SYT16: variants seen among roughly 807,000 people sequenced by gnomAD.
SYT16 encodes the protein synaptotagmin-16.
In SYT16, 42 loss-of-function variants were observed where a neutral mutation model predicts 61.4. That is an observed-to-expected ratio of 0.68 (90% CI 0.53 to 0.89). The LOEUF is 0.89. Ranked by LOEUF, SYT16 falls within the 40% of genes least tolerant of loss-of-function variation. SYT16 has a pLI of 0.00. For synonymous variants in SYT16, 314 were observed against 302.3 expected (o/e 1.04, Z -0.40); for missense variants, 804 against 807.3 (o/e 1.00, Z 0.05).
chr14:61,899,319 C>T (rs2140354208), intron 1 of SYT16, among the ~76,000 whole-genome samples: 1 of 152,258 alleles, frequency 6.6e-6, no homozygotes, highest in South Asian at 2.1e-4. Context: ...CTAGGAGAGG[C>T]TGCTGAAATC....
chr14:62,001,686 A>G (rs142701821), intron 3 of SYT16, among the ~76,000 whole-genome samples: 16 of 152,110 alleles, frequency 1.1e-4, no homozygotes, highest in African/African-American at 3.6e-4. Context: ...ATTCTACCCC[A>G]TTCTCTCTTG....
rs573107089 is a variant in SYT16 at position 61,969,698 on chromosome 14, T to G, written c.-324-434T>G. ...TTGGTAGAATTATTTATCTGAAAAT[T>G]TGTCTCAAGTGATGATTGTGTAAGC... On this transcript the variant is annotated intron_variant, in intron 1 of 7. Coordinates refer to ENST00000683842, the MANE Select transcript of SYT16 (RefSeq NM_001367656.1). Among the ~76,000 whole-genome samples, 7 of 152,340 alleles carry G rather than the reference T, an allele frequency of 4.6e-5. No homozygotes were observed. The South Asian group carries it at 1.4e-3, about 32-fold the overall frequency.
In SYT16 at chr14:61,827,896, T is replaced by C. The variant is rs959758496; in HGVS notation, c.-325+15086T>C. ...TATTCATATTCTCTGATGGGCCAAA[T>C]TGTATACACCCCAAATTCATATGTT... is the stretch of plus-strand genomic sequence containing the variant. On this transcript the variant is annotated intron_variant, in intron 1 of 7. Transcript: ENST00000683842. Among the ~76,000 whole-genome samples, 11 of 152,302 alleles carry C rather than the reference T, an allele frequency of 7.2e-5. No homozygotes were observed. In the East Asian group the frequency reaches 2.1e-3, roughly 29 times the overall value.
At chr14:61,920,613 C>T (rs1432743578) in intron 1 of SYT16, among the ~76,000 whole-genome samples, 2 of 152,200 alleles carry the variant, frequency 1.3e-5, no homozygotes, top group Non-Finnish European at 2.9e-5. Flanking sequence ...CCCGTCGGCA[C>T]TGTAGACATT....
At chr14:61,851,971 T>C (rs1006247997) in intron 1 of SYT16, among the ~76,000 whole-genome samples, 3 of 152,216 alleles carry the variant, frequency 2.0e-5, no homozygotes, top group African/African-American at 7.2e-5. Context: ...TCATGAAATC[T>C]TTGCCAATGC....
At chr14:61,934,097 A>G (rs2049883920) in intron 1 of SYT16, among the ~76,000 whole-genome samples, 1 of 152,178 alleles carries the variant, frequency 6.6e-6, no homozygotes, top group Admixed American at 6.5e-5. Context: ...TTCTGTATAA[A>G]CTTTTCATTC....
chr14:62,046,820 T>C (rs1024346051), intron 3 of SYT16, among the ~76,000 whole-genome samples: 7 of 152,218 alleles, frequency 4.6e-5, no homozygotes, highest in Non-Finnish European at 8.8e-5. Context: ...TATATCTCTG[T>C]TTTGGTACCA....
chr14:61,905,787 T>G (rs2048686307), intron 1 of SYT16, among the ~76,000 whole-genome samples: 1 of 151,232 alleles, frequency 6.6e-6, no homozygotes, highest in Admixed American at 6.6e-5. Flanking sequence ...GGGATAAATC[T>G]CGCTCTGTTG....
At chr14:62,023,225 A>G (rs1040899489) in intron 3 of SYT16, among the ~76,000 whole-genome samples, 2 of 152,070 alleles carry the variant, frequency 1.3e-5, no homozygotes, top group Non-Finnish European at 2.9e-5. Context: ...GGCTTATTTT[A>G]GGCTTTGTTT....
chr14:61,997,160 T>C (rs1259072907), intron 3 of SYT16, among the ~76,000 whole-genome samples: 1 of 152,118 alleles, frequency 6.6e-6, no homozygotes, highest in Non-Finnish European at 1.5e-5. Context: ...ATATTGAATA[T>C]GATAAAAATG....
intron 4 of SYT16, among the ~76,000 whole-genome samples, chr14:62,072,670 G>T (rs117768354): frequency 1.3e-5 from 2 of 152,030 alleles, no homozygotes. Context: ...AAATACCTTC[G>T]CAGCAATACC....
chr14:62,096,357 A>G (rs2057275003), intron 7 of SYT16, among the ~76,000 whole-genome samples: 1 of 152,148 alleles, frequency 6.6e-6, no homozygotes, highest in Non-Finnish European at 1.5e-5. Context: ...TTCTAGGTAT[A>G]TCCTAGAGAA....
chr14:62,052,852 G>A (rs888675735), intron 3 of SYT16, among the ~76,000 whole-genome samples: 2 of 152,140 alleles, frequency 1.3e-5, no homozygotes, highest in African/African-American at 4.8e-5. Flanking sequence ...CTGGCATCCC[G>A]ATTTCAGATT....
intron 1 of SYT16, among the ~76,000 whole-genome samples, chr14:61,824,499 C>T (rs1486558542): frequency 6.6e-6 from 1 of 152,098 alleles, no homozygotes; most frequent in East Asian, 1.9e-4. Flanking sequence ...ACTACAGGCA[C>T]CTGCCACCAC....
chr14:62,076,974 C>A (rs2056518854), intron 5 of SYT16, among the ~76,000 whole-genome samples: 1 of 152,202 alleles, frequency 6.6e-6, no homozygotes, highest in African/African-American at 2.4e-5. Context: ...CATTCAACCT[C>A]CTATCTATTT....
At position 61,871,798 on chromosome 14, in the gene SYT16, C is replaced by G. The variant is rs73258411; in HGVS notation, c.-325+58988C>G. On this transcript the variant is annotated intron_variant, in intron 1 of 7. Coordinates refer to ENST00000683842, the MANE Select transcript of SYT16 (RefSeq NM_001367656.1). Reference sequence around the variant, plus strand: ...AATATATTAAATGATATAAAATGCCCTTCTATAAAGTGTTGTCATAGCACA... The same window carrying G: ...AATATATTAAATGATATAAAATGCCGTTCTATAAAGTGTTGTCATAGCACA... 8.1e-3 allele frequency among the ~76,000 whole-genome samples: 1,236 copies of G among 152,120 alleles called. 22 individuals carry two copies. The highest frequency in any genetic ancestry group is 0.028 in the African/African-American group (1,157 of 41,494).
intron 4 of SYT16, among the ~76,000 whole-genome samples, chr14:62,071,171 C>A (rs1017670970): frequency 6.6e-6 from 1 of 152,196 alleles, no homozygotes; most frequent in Non-Finnish European, 1.5e-5. Context: ...GCCCACACCC[C>A]CTCTCTTGGC....
At chr14:61,939,652 T>A (rs2050131547) in intron 1 of SYT16, among the ~76,000 whole-genome samples, 1 of 152,218 alleles carries the variant, frequency 6.6e-6, no homozygotes, top group Non-Finnish European at 1.5e-5. Flanking sequence ...TAAGCCCTCA[T>A]TTTATCTTCT....
In SYT16 at chr14:61,868,764, G is replaced by C. The variant is rs138412613; in HGVS notation, c.-325+55954G>C. On this transcript the variant is annotated intron_variant, in intron 1 of 7. Transcript: ENST00000683842. ...CATGTTCACTTTATAAGAATATTTT[G>C]TTTTTGTTGGTTGTTCTATAAATGC... 8.6e-5 allele frequency among the ~76,000 whole-genome samples: 13 copies of C among 151,960 alleles called. No homozygotes were observed. The East Asian group carries it at 2.5e-3, about 29-fold the overall frequency.
Sources: gnomAD v4.1 joint callset for allele counts (sites outside exome capture counted in the v4.1 genomes callset) on GRCh38, gnomAD v4.1.1 for gene constraint, MANE v1.5 for transcripts, NCBI Gene and HGNC (gene_info 2026-07-23, HGNC 2026-07-21) for gene names.